The following VPS39 variants were observed in gnomAD, a reference collection of about 807,000 sequenced individuals.
VPS39 encodes VPS39 subunit of HOPS complex, also known as vam6/Vps39-like protein.
In VPS39, 70 loss-of-function variants were observed where a neutral mutation model predicts 121.0. The observed-to-expected ratio is 0.58, with a 90% CI of 0.48 to 0.71. The LOEUF (loss-of-function observed/expected upper bound fraction) is 0.71. Among genes scored for constraint, VPS39 ranks in the 30% least tolerant of loss-of-function variants. VPS39 has a pLI of 0.00. For synonymous variants in VPS39, 378 were observed against 398.1 expected, an observed-to-expected ratio of 0.95 and a Z score of 0.60; for missense variants, 818 against 1,051.5, an observed-to-expected ratio of 0.78 and a Z score of 3.07.
At chr15:42,183,372 G>T (rs2049628601) in intron 8 of VPS39, among the ~76,000 whole-genome samples, 2 of 152,052 alleles carry the variant, frequency 1.3e-5, no homozygotes, top group South Asian at 4.1e-4. Context: ...AAAGTGCTAG[G>T]ATTACAGGCG....
At chr15:42,172,397 G>A (rs764197758) in intron 11 of VPS39, among the ~76,000 whole-genome samples, 2 of 152,180 alleles carry the variant, frequency 1.3e-5, no homozygotes, top group Non-Finnish European at 2.9e-5. Flanking sequence ...TTCAAATGAT[G>A]GTAGCCCAGG....
chr15:42,192,889 G>A (rs779958727), intron 2 of VPS39, among the ~76,000 whole-genome samples: 7 of 151,694 alleles, frequency 4.6e-5, no homozygotes, highest in Non-Finnish European at 7.4e-5. Flanking sequence ...AGCAATTCTC[G>A]TGCCCTCAGC....
intron 1 of VPS39, 94 bp from the exon 2 acceptor site, chr15:42,200,055 G>T: frequency 8.2e-7 from 1 of 1,221,208 alleles, no homozygotes; most frequent in Non-Finnish European, 1.1e-6. Flanking sequence ...TTTTTAGCTG[G>T]GGCTTGTAAT....
intron 1 of VPS39, among the ~76,000 whole-genome samples, chr15:42,204,424 CG>C (rs990826838): frequency 6.6e-6 from 1 of 152,140 alleles, no homozygotes; most frequent in African/African-American, 2.4e-5. Context: ...CCGAGGTGGG[CG>C]GATCACCTCA....
chr15:42,196,380 A>G (rs1435656812), intron 2 of VPS39, among the ~76,000 whole-genome samples: 2 of 152,230 alleles, frequency 1.3e-5, no homozygotes, highest in African/African-American at 4.8e-5. Flanking sequence ...CAGAGTGAAC[A>G]GGCAACCTAC....
Position 42,166,240 on chromosome 15 carries a change from G to A in VPS39, c.1607-8C>T. On this transcript the variant is annotated splice_region_variant and splice_polypyrimidine_tract_variant and intron_variant, in intron 15 of 24. Coordinates refer to ENST00000318006, the MANE Select transcript of VPS39 (RefSeq NM_015289.5). ...AATGCAGGTTTTCTGTGCCTAGAAG[G>A]AAAAGCAGGACTTGTCAGCAGTTGA... 1 of 1,614,084 alleles carries A rather than the reference G, an allele frequency of 6.2e-7. No homozygotes were observed. Among genetic ancestry groups the A allele is most frequent in the Non-Finnish European group, 8.5e-7 (1 of 1,179,966 alleles).
chr15:42,205,348 T>A (rs1343037981), intron 1 of VPS39, among the ~76,000 whole-genome samples: 1 of 152,232 alleles, frequency 6.6e-6, no homozygotes, highest in East Asian at 1.9e-4. Context: ...CTCTTTTATA[T>A]AGGATACACA....
At position 42,159,711 on chromosome 15, in the gene VPS39, C is replaced by T. The variant is rs1274167570; in HGVS notation, c.*1043G>A. The T allele has an allele frequency of 6.6e-6, 1 of 152,412 alleles. No individual in the cohort carries two copies. Among genetic ancestry groups the T allele is most frequent in the Non-Finnish European group, 1.5e-5 (1 of 68,164 alleles). 9.4% of individuals were successfully genotyped at this position (152,412 alleles called of 1,614,324 possible). A position where few individuals can be genotyped will look rare whatever the true frequency, so the allele number is the denominator to read the frequency against. ...ATCCCAGCACAACTCTCCAACCACA[C>T]CATTGCTGAACAAAGCTGGGGAGTG... On this transcript the variant is annotated 3_prime_UTR_variant, in exon 25 of 25. Coordinates refer to ENST00000318006, the MANE Select transcript of VPS39 (RefSeq NM_015289.5).
chr15:42,192,385 A>T (rs1328395628), intron 2 of VPS39, among the ~76,000 whole-genome samples: 1 of 152,236 alleles, frequency 6.6e-6, no homozygotes. Context: ...GCAGTTAGGT[A>T]ACAGCCAGTG....
chr15:42,206,194 C>T (rs2050167899), intron 1 of VPS39, among the ~76,000 whole-genome samples: 1 of 152,140 alleles, frequency 6.6e-6, no homozygotes, highest in South Asian at 2.1e-4. Flanking sequence ...ACATTTACAC[C>T]TCAAATACTA....
At chr15:42,164,613 T>C in intron 18 of VPS39, 127 bp from the exon 19 acceptor site, 1 of 1,455,306 alleles carries the variant, frequency 6.9e-7, no homozygotes. Context: ...CCAGGGTGGC[T>C]TCCATGCTAA....
rs12595000 is a variant in VPS39 at position 42,165,881 on chromosome 15, G to A, written c.1681-65C>T. 730 of 1,439,418 alleles carry A rather than the reference G, an allele frequency of 5.1e-4. 9 individuals are homozygous for A. The East Asian group carries it at 9.7e-3, about 19-fold the overall frequency. 89.2% of individuals were successfully genotyped at this position (1,439,418 alleles called of 1,614,324 possible). ...GACTGCAGTTCCAGCAAACACACAC[G>A]CATGTGAGCGCAGGGATCAAACAGA... On this transcript the variant is annotated intron_variant, in intron 16 of 24. Transcript: ENST00000318006.
intron 17 of VPS39, chr15:42,165,367 T>A (rs1457510591): frequency 5.5e-6 from 3 of 548,228 alleles, no homozygotes; most frequent in Non-Finnish European, 9.7e-6. Flanking sequence ...CAAACTCTCA[T>A]AGCGACTCAT....
At chr15:42,189,794 CTTTT>C (rs34353468) in intron 4 of VPS39, among the ~76,000 whole-genome samples, 27 of 34,020 alleles carry the variant, frequency 7.9e-4, no homozygotes, top group African/African-American at 1.3e-3. Flanking sequence ...CCAAAACACT[CTTTT>C]TTTTTTTTTT....
Position 42,166,151 on chromosome 15 carries a change from T to C in VPS39, c.1680+8A>G, listed in dbSNP as rs1298584897. 1 of 1,613,564 alleles carries C rather than the reference T, an allele frequency of 6.2e-7. No individual in the cohort carries two copies. Among genetic ancestry groups the C allele is most frequent in the East Asian group, 2.2e-5 (1 of 44,898 alleles). On this transcript the variant is annotated splice_region_variant and intron_variant, in intron 16 of 24. Transcript: ENST00000318006. Reference sequence around the variant, plus strand: ...ACCAGATAAATCCAAGGGACTCCTGTGGCTCACCTTCAGGCCATCTTCTGG... The same window carrying C: ...ACCAGATAAATCCAAGGGACTCCTGCGGCTCACCTTCAGGCCATCTTCTGG...
chr15:42,166,380 G>A, intron 15 of VPS39, 148 bp from the exon 16 acceptor site: 2 of 1,104,616 alleles, frequency 1.8e-6, no homozygotes, highest in South Asian at 1.5e-5. Context: ...CTACTGGGCT[G>A]GCTCCATACC....
intron 11 of VPS39, 195 bp downstream of exon 11, chr15:42,173,528 A>G (rs916649243): frequency 1.8e-6 from 1 of 554,492 alleles, no homozygotes; most frequent in Non-Finnish European, 2.9e-6. Flanking sequence ...TTTATTGAGA[A>G]GACCAGATTC....
Position 42,160,738 on chromosome 15 carries a change from C to T in VPS39, c.*16G>A, listed in dbSNP as rs749574108. ...GAGCCAAGCTGTCCATCCGCTGGATCCCCAGGATGCTGGGCTCAAGTGTCA... is the reference window on the plus strand; with the variant it reads ...GAGCCAAGCTGTCCATCCGCTGGATTCCCAGGATGCTGGGCTCAAGTGTCA... On this transcript the variant is annotated 3_prime_UTR_variant, in exon 25 of 25. Transcript: ENST00000318006. 1.3e-5 allele frequency: 21 copies of T among 1,612,128 alleles called. No homozygotes were observed. Among genetic ancestry groups the T allele is most frequent in the South Asian group, 3.3e-5 (3 of 91,034 alleles).
rs374310589 is a variant in VPS39, at chr15:42,162,066, A to G, written c.2426T>C (p.Val809Ala). The G allele has an allele frequency of 5.1e-5, 82 of 1,614,074 alleles. No homozygotes were observed. The highest frequency in any genetic ancestry group is 6.9e-5 in the Non-Finnish European group (81 of 1,180,034). Reference sequence around the variant, plus strand: ...TTCTGCATGGAGAAGGTTCTTGAGCACTTGATTGAACCGTTTCTTTTGTGC... The same window carrying G: ...TTCTGCATGGAGAAGGTTCTTGAGCGCTTGATTGAACCGTTTCTTTTGTGC... ...ENAQKKRFNQ[V>A]LKNLLHAEFL... The change falls in exon 23 of 25, where the codon GTG becomes GCG. Residue 809 changes from valine (V) to alanine (A), a missense_variant. Physicochemically the swap from Val to Ala is moderately conservative, Grantham distance 64. Transcript: ENST00000318006.
Sources: gnomAD v4.1 joint callset for allele counts (sites outside exome capture counted in the v4.1 genomes callset) on GRCh38, gnomAD v4.1.1 for gene constraint, MANE v1.5 for transcripts, NCBI Gene and HGNC (gene_info 2026-07-23, HGNC 2026-07-21) for gene names.